The following TOX4 variants were observed in gnomAD, a reference collection of about 807,000 sequenced individuals.
TOX4 encodes the protein epidermal Langerhans cell protein LCP1.
A neutral mutation model predicts 61.0 loss-of-function variants in TOX4; 12 were observed. The observed-to-expected ratio is 0.20, with a 90% CI of 0.13 to 0.32. The LOEUF (loss-of-function observed/expected upper bound fraction) is 0.32. Ranked by LOEUF, TOX4 falls within the 10% of genes least tolerant of loss-of-function variation. The pLI, the probability that TOX4 is intolerant of heterozygous loss-of-function variation, is 1.00. For missense variants in TOX4, 499 were observed against 753.3 expected, an observed-to-expected ratio of 0.66 and a Z score of 3.95; for synonymous variants, 268 against 274.8, an observed-to-expected ratio of 0.98 and a Z score of 0.24.
In TOX4 at chr14:21,488,573, CCTT is replaced by C. The variant is rs1192829330; in HGVS notation, c.319-14_319-12del. 1.2e-6 allele frequency: 2 copies of C among 1,605,588 alleles called. No homozygotes were observed. The highest frequency in any genetic ancestry group is 1.3e-5 in the African/African-American group (1 of 74,708). Reference sequence around the variant, plus strand: ...TTTTTATATTTAGTGTTTAATTAGTCCTTCTGCTTCTCTCAGGACTTGGACCAC... The same window carrying C: ...TTTTTATATTTAGTGTTTAATTAGTCCTGCTTCTCTCAGGACTTGGACCAC... On this transcript the variant is annotated splice_polypyrimidine_tract_variant and intron_variant, in intron 3 of 8. Coordinates refer to ENST00000448790, the MANE Select transcript of TOX4 (RefSeq NM_014828.4).
rs1310529858 is a variant in TOX4 at position 21,493,045 on chromosome 14, C to A, written c.1429C>A (p.Pro477Thr). ...ACTCCAGGCCATGCAACAGCCTCCA[C>A]CTCAGAAAGTTCGAATCAATTTACA... is the stretch of plus-strand genomic sequence containing the variant. ...PPLQAMQQPP[P>T]QKVRINLQQQ... Residue 477 changes from proline to threonine, a missense_variant, in exon 7 of 9, where the codon CCT becomes ACT. Pro to Thr is a conservative substitution (Grantham distance 38). Around this residue, in one of 7 missense-constraint regions of TOX4, gnomAD observed 296 missense variants for 404.7 expected, o/e 0.73. Transcript: ENST00000448790. 1.9e-6 allele frequency: 3 copies of A among 1,614,062 alleles called. No homozygotes were observed. Among genetic ancestry groups the A allele is most frequent in the Non-Finnish European group, 2.5e-6 (3 of 1,179,972 alleles).
rs1415450658 is a variant in TOX4, at chr14:21,498,385, A to C, written c.*1779A>C. 3.1e-6 allele frequency: 5 copies of C among 1,612,718 alleles called. No homozygotes were observed. The highest frequency in any genetic ancestry group is 4.2e-6 in the Non-Finnish European group (5 of 1,179,542). On this transcript the variant is annotated 3_prime_UTR_variant, in exon 9 of 9. Coordinates refer to ENST00000448790, the MANE Select transcript of TOX4 (RefSeq NM_014828.4). ...AAGGGTGATCCTGAAACAGTGTAAA[A>C]GGAGGGGCAAACCAGAAATCCTGGA...
intron 5 of TOX4, among the ~76,000 whole-genome samples, chr14:21,490,309 T>A (rs1196595368): frequency 6.6e-6 from 1 of 151,610 alleles, no homozygotes; most frequent in Non-Finnish European, 1.5e-5. Context: ...ACCCCGACTC[T>A]ACTAAAAATA....
chr14:21,493,376 C>T, intron 7 of TOX4, 119 bp downstream of exon 7: 1 of 1,135,322 alleles, frequency 8.8e-7, no homozygotes, highest in Non-Finnish European at 1.2e-6. Flanking sequence ...GAGCACAAAA[C>T]ATCCTGCAGA....
At chr14:21,483,247 T>C (rs1268815160) in intron 2 of TOX4, among the ~76,000 whole-genome samples, 1 of 152,166 alleles carries the variant, frequency 6.6e-6, no homozygotes, top group African/African-American at 2.4e-5. Context: ...AAAGTTGCTG[T>C]TTTGTTGTGG....
rs1302813714 is a variant in TOX4, at chr14:21,484,417, C to T, written c.76-3034C>T. On this transcript the variant is annotated intron_variant, in intron 2 of 8. Coordinates refer to ENST00000448790, the MANE Select transcript of TOX4 (RefSeq NM_014828.4). ...GGGCTGGAGTGCAGTGGCACAATCT[C>T]GGCTCACTGCAGCCTCTGCCTCCTG... 8.6e-5 allele frequency among the ~76,000 whole-genome samples: 11 copies of T among 128,450 alleles called. 1 individual carries two copies. The highest frequency in any genetic ancestry group is 0.011 in the Middle Eastern group (2 of 184). The allele number at this position is 128,450 out of a possible 152,430, so 84.3% of individuals were successfully genotyped here.
intron 2 of TOX4, among the ~76,000 whole-genome samples, chr14:21,485,578 CAAA>C (rs763582201): frequency 2.5e-5 from 2 of 79,058 alleles, no homozygotes; most frequent in African/African-American, 4.8e-5. Context: ...GACTCTATCT[CAAA>C]AAAAAAAAAA....
chr14:21,490,580 G>A (rs1891270159), intron 5 of TOX4, among the ~76,000 whole-genome samples: 1 of 152,206 alleles, frequency 6.6e-6, no homozygotes, highest in Non-Finnish European at 1.5e-5. Flanking sequence ...CCACTGCCCA[G>A]TTAAGGTCAT....
intron 2 of TOX4, among the ~76,000 whole-genome samples, chr14:21,484,709 A>G (rs1172472275): frequency 9.6e-6 from 1 of 103,978 alleles, no homozygotes; most frequent in Non-Finnish European, 2.1e-5. Flanking sequence ...CCCAGGCAGG[A>G]TTGCAGTGGT....
chr14:21,480,763 T>C (rs1891093588), intron 2 of TOX4, among the ~76,000 whole-genome samples: 1 of 152,172 alleles, frequency 6.6e-6, no homozygotes, highest in Admixed American at 6.5e-5. Context: ...ATATATCAAG[T>C]ACTTCTGCAG....
At chr14:21,482,055 GA>G (rs1450099856) in intron 2 of TOX4, among the ~76,000 whole-genome samples, 1 of 152,194 alleles carries the variant, frequency 6.6e-6, no homozygotes, top group African/African-American at 2.4e-5. Context: ...GTATATCAAT[GA>G]AATAAGAAAT....
At position 21,485,170 on chromosome 14, in the gene TOX4, C is replaced by G. The variant is rs1473105014; in HGVS notation, c.76-2281C>G. 1.9e-5 allele frequency among the ~76,000 whole-genome samples: 2 copies of G among 105,686 alleles called. 1 individual carries two copies. Among genetic ancestry groups the G allele is most frequent in the Non-Finnish European group, 4.2e-5 (2 of 48,084 alleles). The allele number at this position is 105,686 out of a possible 152,430, so 69.3% of individuals were successfully genotyped here. A position where few individuals can be genotyped will look rare whatever the true frequency, so the allele number is the denominator to read the frequency against. On this transcript the variant is annotated intron_variant, in intron 2 of 8. Coordinates refer to ENST00000448790, the MANE Select transcript of TOX4 (RefSeq NM_014828.4). ...GTGGCTCACGCCTGTGATCTCAGCA[C>G]TTTGGGAGGCCAAGGAGGGCGGATC...
At chr14:21,479,340 A>G (rs1180595946) in intron 2 of TOX4, among the ~76,000 whole-genome samples, 1 of 150,932 alleles carries the variant, frequency 6.6e-6, no homozygotes. Flanking sequence ...ATAAAAGATA[A>G]TAATAATTAA....
Position 21,498,954 on chromosome 14 carries a change from CTCTACTAAGT to C in TOX4, c.*2352_*2361del. 2 of 1,025,188 alleles carry C rather than the reference CTCTACTAAGT, an allele frequency of 2.0e-6. No homozygotes were observed. 63.5% of individuals were successfully genotyped at this position (1,025,188 alleles called of 1,614,324 possible). ...TGGACTAGTGTAAAACAATGTGAAG[CTCTACTAAGT>C]TCTGTCCTTAATCATAAATAATAGC... On this transcript the variant is annotated 3_prime_UTR_variant, in exon 9 of 9. Transcript: ENST00000448790.
intron 7 of TOX4, among the ~76,000 whole-genome samples, chr14:21,494,164 T>G (rs1213446752): frequency 1.1e-4 from 17 of 152,228 alleles, no homozygotes; most frequent in Admixed American, 1.1e-3. Flanking sequence ...TTATTCAGAG[T>G]TGTTACCCAA....
Position 21,496,562 on chromosome 14 carries a change from TG to T in TOX4, c.1825del (p.Val609Ter). On this transcript the variant is annotated frameshift_variant, in exon 9 of 9. Transcript: ENST00000448790. LOFTEE classifies it high-confidence loss of function. ...VKHCRDVFLA[W>X]VASRNSNTVV... ...CTCTCTTAGGGATGTATTCTTGGCC[TG>T]GGTAGCCTCTAGAAATTCAAACACA... is the stretch of plus-strand genomic sequence containing the variant. 6.2e-7 allele frequency: 1 copy of T among 1,612,840 alleles called. No homozygotes were observed.
At chr14:21,493,991 C>T (rs573740417) in intron 7 of TOX4, among the ~76,000 whole-genome samples, 82 of 151,390 alleles carry the variant, frequency 5.4e-4, no homozygotes, top group African/African-American at 1.9e-3. Flanking sequence ...CCTCGTGATT[C>T]GCCCGCTTCG....
intron 5 of TOX4, among the ~76,000 whole-genome samples, chr14:21,491,576 GA>G (rs1275735977): frequency 6.6e-6 from 1 of 150,800 alleles, no homozygotes; most frequent in Non-Finnish European, 1.5e-5. Flanking sequence ...GGTTAGCCAG[GA>G]TGGTCTCAAT....
chr14:21,495,334 G>A lies in TOX4; in HGVS notation c.1747G>A (p.Val583Met). 6.2e-7 allele frequency: 1 copy of A among 1,614,162 alleles called. No homozygotes were observed. Among genetic ancestry groups the A allele is most frequent in the Non-Finnish European group, 8.5e-7 (1 of 1,180,032 alleles). Residue 583 changes from valine to methionine, a missense_variant, in exon 8 of 9, where the codon GTG becomes ATG. Transcript: ENST00000448790. Reference sequence around the variant, plus strand: ...GTCTGGTTGTGAGAACCCTCCCATTGTGAGTAAGGACTGGGACAATGAATA... The same window carrying A: ...GTCTGGTTGTGAGAACCCTCCCATTATGAGTAAGGACTGGGACAATGAATA... Reference protein sequence around the residue: ...VRSGCENPPIVSKDWDNEYCS... With the variant: ...VRSGCENPPIMSKDWDNEYCS...
Sources: gnomAD v4.1 joint callset for allele counts (sites outside exome capture counted in the v4.1 genomes callset) on GRCh38, gnomAD v4.1.1 for gene constraint, gnomAD v4.1.1 regional missense constraint, MANE v1.5 for transcripts, NCBI Gene and HGNC (gene_info 2026-07-23, HGNC 2026-07-21) for gene names.